The following PRKCA variants were observed in gnomAD, a reference collection of about 807,000 sequenced individuals.
PRKCA encodes protein kinase C alpha.
A neutral mutation model predicts 87.0 loss-of-function variants in PRKCA; 27 were observed. The observed-to-expected ratio is 0.31, with a 90% CI of 0.23 to 0.43. PRKCA has a LOEUF of 0.43. Ranked by LOEUF, PRKCA falls within the 20% of genes least tolerant of loss-of-function variation. The pLI, the probability that PRKCA is intolerant of heterozygous loss-of-function variation, is 1.00. For missense variants in PRKCA, 518 were observed against 852.3 expected (o/e 0.61, Z 4.88); for synonymous variants, 329 against 311.1 (o/e 1.06, Z -0.61).
At position 66,632,208 on chromosome 17, in the gene PRKCA, G is replaced by A. The variant is rs533979955; in HGVS notation, c.289-9147G>A. On this transcript the variant is annotated intron_variant, in intron 3 of 16. Coordinates refer to ENST00000413366, the MANE Select transcript of PRKCA (RefSeq NM_002737.3). ...TGGTAATTTGGGTTACATAGATAAT[G>A]TATGGATTTATTTTTTAACTTAAAT... Among the ~76,000 whole-genome samples the A allele has an allele frequency of 4.0e-4, 61 of 152,246 alleles. 1 individual carries two copies. In the South Asian group the frequency reaches 0.012, roughly 31 times the overall value.
intron 3 of PRKCA, among the ~76,000 whole-genome samples, chr17:66,556,980 A>G (rs1186093931): frequency 6.6e-6 from 1 of 152,174 alleles, no homozygotes; most frequent in African/African-American, 2.4e-5. Context: ...ATTTGGGTCA[A>G]TGGAGGAGCA....
intron 3 of PRKCA, among the ~76,000 whole-genome samples, chr17:66,622,923 G>A (rs377204798): frequency 1.1e-4 from 16 of 152,360 alleles, no homozygotes; most frequent in Middle Eastern, 3.4e-3. Context: ...AATTATGGGA[G>A]TACAATTCAA....
chr17:66,307,033 C>T (rs868525464), intron 2 of PRKCA, among the ~76,000 whole-genome samples: 25 of 152,166 alleles, frequency 1.6e-4, no homozygotes, highest in Admixed American at 2.6e-4. Flanking sequence ...GAGAAAGGCA[C>T]TGTGTACTTT....
intron 1 of PRKCA, among the ~76,000 whole-genome samples, 180 bp from the exon 2 acceptor site, chr17:66,305,916 C>T (rs1259257023): frequency 6.6e-6 from 1 of 151,946 alleles, no homozygotes; most frequent in Non-Finnish European, 1.5e-5. Context: ...ATTTTTTTCC[C>T]CCCAAGGTTG....
intron 5 of PRKCA, among the ~76,000 whole-genome samples, chr17:66,667,038 T>C (rs1466719201): frequency 2.0e-5 from 3 of 152,324 alleles, no homozygotes; most frequent in Middle Eastern, 3.4e-3. Context: ...CCAACTCCTT[T>C]GTTTTCCAGA....
At chr17:66,478,736 A>G (rs957737861) in intron 2 of PRKCA, among the ~76,000 whole-genome samples, 3 of 132,612 alleles carry the variant, frequency 2.3e-5, no homozygotes, top group Non-Finnish European at 4.8e-5. Context: ...ATTTTCCCAA[A>G]CACTGCCCTA....
At chr17:66,537,477 G>A (rs530182461) in intron 3 of PRKCA, among the ~76,000 whole-genome samples, 1 of 152,276 alleles carries the variant, frequency 6.6e-6, no homozygotes, top group Admixed American at 6.5e-5. Context: ...GATTCTTCAG[G>A]TTCCATATGT....
intron 4 of PRKCA, among the ~76,000 whole-genome samples, chr17:66,641,926 G>A (rs1971307136): frequency 6.6e-6 from 1 of 152,084 alleles, no homozygotes; most frequent in Admixed American, 6.6e-5. Flanking sequence ...AAACCAAAAT[G>A]AACATAAAAA....
chr17:66,326,203 G>A (rs1905970187), intron 2 of PRKCA, among the ~76,000 whole-genome samples: 1 of 152,172 alleles, frequency 6.6e-6, no homozygotes, highest in Admixed American at 6.5e-5. Flanking sequence ...GTGTTTGAAT[G>A]TAGAGCTTCA....
At chr17:66,411,121 A>C (rs1911771597) in intron 2 of PRKCA, among the ~76,000 whole-genome samples, 1 of 151,600 alleles carries the variant, frequency 6.6e-6, no homozygotes, top group Non-Finnish European at 1.5e-5. Flanking sequence ...GCCCAGGCTG[A>C]AGTGCAGTGG....
intron 2 of PRKCA, among the ~76,000 whole-genome samples, chr17:66,481,575 G>A (rs1157226844): frequency 6.6e-6 from 1 of 152,074 alleles, no homozygotes. Flanking sequence ...CTGAGGTTTG[G>A]CCAACTCCTC....
At chr17:66,377,208 A>G (rs1319779620) in intron 2 of PRKCA, among the ~76,000 whole-genome samples, 3 of 151,926 alleles carry the variant, frequency 2.0e-5, no homozygotes, top group Non-Finnish European at 4.4e-5. Context: ...TATTTTTAGT[A>G]GAGATGGGGT....
At chr17:66,368,005 A>C (rs1908834166) in intron 2 of PRKCA, among the ~76,000 whole-genome samples, 1 of 152,176 alleles carries the variant, frequency 6.6e-6, no homozygotes, top group Non-Finnish European at 1.5e-5. Context: ...TGAATGAGTA[A>C]CATCACATCA....
Position 66,689,002 on chromosome 17 carries a change from G to C in PRKCA, c.873G>C (p.Pro291=). 6.2e-7 allele frequency: 1 copy of C among 1,603,512 alleles called. No homozygotes were observed. The highest frequency in any genetic ancestry group is 8.5e-7 in the Non-Finnish European group (1 of 1,175,456). The change falls in exon 8 of 17, where the codon CCG becomes CCC. Residue 291 remains proline, a synonymous_variant. Transcript: ENST00000413366. This position sits in a 1 kb window ranked among gnomAD's most constrained non-coding sequence, Gnocchi z 4.1. ...GTGAGTACTACAACGTACCCATTCC[G>C]GAAGGGGACGAGGAAGGAAACATGG... ...EEGEYYNVPI[P]EGDEEGNMEL... is the part of the protein sequence containing the mutation.
intron 3 of PRKCA, among the ~76,000 whole-genome samples, chr17:66,546,965 G>T (rs1429326213): frequency 6.6e-6 from 1 of 152,022 alleles, no homozygotes; most frequent in African/African-American, 2.4e-5. Context: ...AAATACTATT[G>T]CTTTAAGCTA....
At chr17:66,801,285 C>T (rs765783736) in intron 16 of PRKCA, among the ~76,000 whole-genome samples, 2 of 152,162 alleles carry the variant, frequency 1.3e-5, no homozygotes, top group African/African-American at 2.4e-5. Context: ...TTCTTTGGGG[C>T]GGGGGCAGTG....
chr17:66,758,099 G>A (rs1268170144), intron 13 of PRKCA, among the ~76,000 whole-genome samples: 1 of 152,226 alleles, frequency 6.6e-6, no homozygotes, highest in Non-Finnish European at 1.5e-5. Context: ...GGAAGGGCAG[G>A]CTTTGCAGAT....
intron 3 of PRKCA, among the ~76,000 whole-genome samples, chr17:66,560,773 G>C (rs1311943661): frequency 6.6e-6 from 1 of 152,174 alleles, no homozygotes; most frequent in Non-Finnish European, 1.5e-5. Context: ...GCCACCACTG[G>C]CATTTTTCAT....
chr17:66,637,036 A>G (rs1055627412), intron 3 of PRKCA, among the ~76,000 whole-genome samples: 1 of 152,212 alleles, frequency 6.6e-6, no homozygotes, highest in African/African-American at 2.4e-5. Context: ...CAACTCCAAG[A>G]CTTGCTGGTT....
Sources: gnomAD v4.1 joint callset for allele counts (sites outside exome capture counted in the v4.1 genomes callset) on GRCh38, gnomAD v4.1.1 for gene constraint, Gnocchi (gnomAD v3.1) non-coding constraint, MANE v1.5 for transcripts, NCBI Gene and HGNC (gene_info 2026-07-23, HGNC 2026-07-21) for gene names.